The following SIK2 variants were observed in gnomAD, a reference collection of about 807,000 sequenced individuals.
SIK2 encodes the protein salt inducible kinase 2, also known as serine/threonine-protein kinase SIK2.
In SIK2, 29 loss-of-function variants were observed where a neutral mutation model predicts 103.2. The observed-to-expected ratio is 0.28, with a 90% CI of 0.21 to 0.38. The LOEUF (loss-of-function observed/expected upper bound fraction) is 0.38. Ranked by LOEUF, SIK2 falls within the 10% of genes least tolerant of loss-of-function variation. The probability of loss-of-function intolerance (pLI) is 1.00; values close to 1 mark genes in which losing one functional copy is unlikely to be tolerated. For missense variants in SIK2, 879 were observed against 1,171.0 expected, an observed-to-expected ratio of 0.75 and a Z score of 3.64; for synonymous variants, 412 against 446.1, an observed-to-expected ratio of 0.92 and a Z score of 0.96.
At position 111,719,960 on chromosome 11, in the gene SIK2, T is replaced by A. The variant is rs767124319; in HGVS notation, c.1452T>A (p.Thr484=). 3.7e-6 allele frequency: 6 copies of A among 1,614,076 alleles called. No individual in the cohort carries two copies. The South Asian group carries it at 6.6e-5, about 18-fold the overall frequency. ...CACGCAGCGGGCAGAGACGGCACAC[T>A]CTGTCAGAAGTGACCAATCAACTGG... The part of the protein sequence containing the change: ...QSTRSGQRRH[T]LSEVTNQLVV... The change falls in exon 10 of 15, where the codon ACT becomes ACA. Residue 484 remains threonine, a synonymous_variant. Transcript: ENST00000304987.
intron 3 of SIK2, among the ~76,000 whole-genome samples, chr11:111,632,763 CT>C (rs1410106235): frequency 2.0e-5 from 3 of 152,122 alleles, no homozygotes; most frequent in Non-Finnish European, 2.9e-5. Flanking sequence ...TGCCCCGCCC[CT>C]CATCTCCTTA....
chr11:111,727,156 G>T lies in SIK2; in HGVS notation c.*3027G>T. 3 of 919,814 alleles carry T rather than the reference G, an allele frequency of 3.3e-6. No homozygotes were observed. Among genetic ancestry groups the T allele is most frequent in the Non-Finnish European group, 5.3e-6 (3 of 571,028 alleles). The allele number at this position is 919,814 out of a possible 1,614,324, so 57.0% of individuals were successfully genotyped here. A position where few individuals can be genotyped will look rare whatever the true frequency, so the allele number is the denominator to read the frequency against. On this transcript the variant is annotated 3_prime_UTR_variant, in exon 15 of 15. Coordinates refer to ENST00000304987, the MANE Select transcript of SIK2 (RefSeq NM_015191.3). ...CCCCAGCTGCCCCCTCGCCACCTCTGCCTGCACTGCCTTCTGTCACCGTGG... is the reference window on the plus strand; with the variant it reads ...CCCCAGCTGCCCCCTCGCCACCTCTTCCTGCACTGCCTTCTGTCACCGTGG...
intron 3 of SIK2, among the ~76,000 whole-genome samples, chr11:111,652,105 C>T (rs1942334169): frequency 6.6e-6 from 1 of 152,002 alleles, no homozygotes; most frequent in African/African-American, 2.4e-5. Flanking sequence ...ATTGAGTATC[C>T]GCTGTGTAAA....
At chr11:111,678,815 A>T (rs935769934) in intron 3 of SIK2, among the ~76,000 whole-genome samples, 13 of 152,218 alleles carry the variant, frequency 8.5e-5, no homozygotes, top group African/African-American at 3.1e-4. Flanking sequence ...AGCCAGTAGG[A>T]TAGATGTGGA....
intron 3 of SIK2, among the ~76,000 whole-genome samples, chr11:111,630,848 A>G (rs1247280576): frequency 6.6e-6 from 1 of 152,174 alleles, no homozygotes; most frequent in Non-Finnish European, 1.5e-5. Context: ...GGAGAAAGAT[A>G]TTATAAAACT....
At chr11:111,663,736 T>C (rs1189034225) in intron 3 of SIK2, among the ~76,000 whole-genome samples, 1 of 152,146 alleles carries the variant, frequency 6.6e-6, no homozygotes, top group African/African-American at 2.4e-5. Flanking sequence ...GTGCAGGTGG[T>C]AGGAAGCAAG....
chr11:111,707,924 C>T (rs977764243), intron 8 of SIK2, among the ~76,000 whole-genome samples: 4 of 152,142 alleles, frequency 2.6e-5, no homozygotes, highest in Admixed American at 6.5e-5. Flanking sequence ...AACAGCAATA[C>T]GTACTTCATT....
At position 111,701,592 on chromosome 11, in the gene SIK2, C is replaced by T; in HGVS notation, c.727+17C>T. The T allele has an allele frequency of 1.9e-6, 3 of 1,612,880 alleles. No homozygotes were observed. Among genetic ancestry groups the T allele is most frequent in the Non-Finnish European group, 2.5e-6 (3 of 1,179,204 alleles). On this transcript the variant is annotated intron_variant, in intron 6 of 14. Coordinates refer to ENST00000304987, the MANE Select transcript of SIK2 (RefSeq NM_015191.3). This position sits in a 1 kb window ranked among gnomAD's most constrained non-coding sequence, Gnocchi z 4.2. The stretch of plus-strand genomic sequence containing the variant: ...TGTCAGAAGGTAATCAACTTTTCAT[C>T]TTATTAATGGTGTTTTACAGTGTTA...
intron 4 of SIK2, among the ~76,000 whole-genome samples, chr11:111,691,181 A>G (rs976036611): frequency 2.6e-5 from 4 of 152,192 alleles, no homozygotes; most frequent in Admixed American, 2.0e-4. Flanking sequence ...ATTGTGTGAT[A>G]TCTTAGGTTT....
rs959506417 is a variant in SIK2 at position 111,642,634 on chromosome 11, A to G, written c.316+22232A>G. 2.6e-5 allele frequency among the ~76,000 whole-genome samples: 4 copies of G among 152,120 alleles called. No homozygotes were observed. In the South Asian group the frequency reaches 8.3e-4, roughly 32 times the overall value. ...TCTCATTACATAGGCATGATTGAGT[A>G]CATCATTGGCCTTTGATGATTAACT... On this transcript the variant is annotated intron_variant, in intron 3 of 14. Transcript: ENST00000304987.
chr11:111,614,482 T>A lies in SIK2; in HGVS notation c.136-1761T>A, dbSNP rs1456503563. The stretch of plus-strand genomic sequence containing the variant: ...CACATATTTTGTATGTTACATGCAT[T>A]ATATACTTTATTCTTATAATAAAGT... On this transcript the variant is annotated intron_variant, in intron 1 of 14. Coordinates refer to ENST00000304987, the MANE Select transcript of SIK2 (RefSeq NM_015191.3). Among the ~76,000 whole-genome samples, 8 of 152,354 alleles carry A rather than the reference T, an allele frequency of 5.3e-5. No homozygotes were observed. The South Asian group carries it at 1.7e-3, about 32-fold the overall frequency.
Position 111,706,595 on chromosome 11 carries a change from T to TA in SIK2, c.1101+1462dup, listed in dbSNP as rs1206427401. Among the ~76,000 whole-genome samples, 13 of 152,274 alleles carry TA rather than the reference T, an allele frequency of 8.5e-5. No individual in the cohort carries two copies. The South Asian group carries it at 2.7e-3, about 32-fold the overall frequency. On this transcript the variant is annotated intron_variant, in intron 8 of 14. Transcript: ENST00000304987. ...GCATTGGCATCTACAGAGTATGTTT[T>TA]AAAAAAGGGAATTAAATCTTCTTGA...
chr11:111,718,990 A>G (rs1454433603), intron 9 of SIK2: 1 of 152,282 alleles, frequency 6.6e-6, no homozygotes, highest in South Asian at 2.1e-4. Flanking sequence ...GGAAGGGCCA[A>G]TGCTTGCGGG....
At chr11:111,680,904 A>G (rs1942768538) in intron 3 of SIK2, among the ~76,000 whole-genome samples, 1 of 152,222 alleles carries the variant, frequency 6.6e-6, no homozygotes, top group Non-Finnish European at 1.5e-5. Context: ...GTATAATTTG[A>G]AATCTGCTTG....
chr11:111,717,001 G>A (rs1321763390), intron 9 of SIK2, among the ~76,000 whole-genome samples: 1 of 152,030 alleles, frequency 6.6e-6, no homozygotes, highest in Admixed American at 6.6e-5. Flanking sequence ...ACCTCATACA[G>A]CCAACAAACA....
At chr11:111,658,461 G>A (rs565971114) in intron 3 of SIK2, among the ~76,000 whole-genome samples, 5 of 152,204 alleles carry the variant, frequency 3.3e-5, no homozygotes, top group Admixed American at 2.6e-4. Context: ...CGAGAGATAC[G>A]GCCGAGTGCA....
chr11:111,721,521 T>C (rs921925674), intron 12 of SIK2, among the ~76,000 whole-genome samples: 2 of 152,240 alleles, frequency 1.3e-5, no homozygotes, highest in Non-Finnish European at 2.9e-5. Flanking sequence ...TGATTTTATT[T>C]TGAGCCTATT....
At chr11:111,638,017 G>T (rs74631643) in intron 3 of SIK2, among the ~76,000 whole-genome samples, 4,335 of 152,248 alleles carry the variant, frequency 0.028, 204 homozygotes, top group African/African-American at 0.097. Flanking sequence ...TGGAAACTGA[G>T]CCAGTAGAAG....
Position 111,701,690 on chromosome 11 carries a change from G to C in SIK2, c.727+115G>C. 3.7e-6 allele frequency: 5 copies of C among 1,340,882 alleles called. No individual in the cohort carries two copies. The highest frequency in any genetic ancestry group is 5.0e-6 in the Non-Finnish European group (5 of 990,894). The allele number at this position is 1,340,882 out of a possible 1,614,324, so 83.1% of individuals were successfully genotyped here. Reference sequence around the variant, plus strand: ...TTTGGGTGCCAAATAAAGTGACTGAGCTGTAGGTTAAAAGCTATAGAAAGA... The same window carrying C: ...TTTGGGTGCCAAATAAAGTGACTGACCTGTAGGTTAAAAGCTATAGAAAGA... On this transcript the variant is annotated intron_variant, in intron 6 of 14. Coordinates refer to ENST00000304987, the MANE Select transcript of SIK2 (RefSeq NM_015191.3). This position sits in a 1 kb window ranked among gnomAD's most constrained non-coding sequence, Gnocchi z 4.2.
Sources: gnomAD v4.1 joint callset for allele counts (sites outside exome capture counted in the v4.1 genomes callset) on GRCh38, gnomAD v4.1.1 for gene constraint, Gnocchi (gnomAD v3.1) non-coding constraint, MANE v1.5 for transcripts, NCBI Gene and HGNC (gene_info 2026-07-23, HGNC 2026-07-21) for gene names.